The following ACAP2 variants were observed in gnomAD, a reference collection of about 807,000 sequenced individuals.
The protein encoded by ACAP2 is ArfGAP with coiled-coil, ankyrin repeat and PH domains 2.
A neutral mutation model predicts 115.8 loss-of-function variants in ACAP2; 39 were observed. The observed-to-expected ratio is 0.34, with a 90% CI of 0.26 to 0.44. The LOEUF (loss-of-function observed/expected upper bound fraction) is 0.44, where lower values mean the gene tolerates loss of function less well. Among genes scored for constraint, ACAP2 ranks in the 20% least tolerant of loss-of-function variants. The pLI, the probability that ACAP2 is intolerant of heterozygous loss-of-function variation, is 1.00. For synonymous variants in ACAP2, 289 were observed against 315.8 expected, an observed-to-expected ratio of 0.92 and a Z score of 0.90; for missense variants, 662 against 927.6, an observed-to-expected ratio of 0.71 and a Z score of 3.72.
Position 195,278,794 on chromosome 3 carries a change from G to T in ACAP2, c.*534C>A, listed in dbSNP as rs1726298547. The T allele has an allele frequency of 6.6e-6, 1 of 152,312 alleles. No individual in the cohort carries two copies. The allele number at this position is 152,312 out of a possible 1,614,324, so 9.4% of individuals were successfully genotyped here. A position where few individuals can be genotyped will look rare whatever the true frequency, so the allele number is the denominator to read the frequency against. ...ACAAACGGGGAAAACACATTCTCTA[G>T]TTCTAATAAATCATATATTATGTGT... On this transcript the variant is annotated 3_prime_UTR_variant, in exon 23 of 23. Transcript: ENST00000326793.
At position 195,359,593 on chromosome 3, in the gene ACAP2, A is replaced by G. The variant is rs1280792165; in HGVS notation, c.286-14276T>C. On this transcript the variant is annotated intron_variant, in intron 4 of 22. Coordinates refer to ENST00000326793, the MANE Select transcript of ACAP2 (RefSeq NM_012287.6). ...CGCCATTCTCCTGCCTCAGCCTCCC[A>G]AGTAGCTGGGACTACAGGCGCCCGC... Among the ~76,000 whole-genome samples the G allele has an allele frequency of 2.0e-5, 3 of 152,018 alleles. 1 individual carries two copies. The highest frequency in any genetic ancestry group is 1.9e-4 in the East Asian group (1 of 5,184).
chr3:195,325,708 C>T (rs910233247), intron 9 of ACAP2, among the ~76,000 whole-genome samples: 7 of 151,976 alleles, frequency 4.6e-5, no homozygotes, highest in Admixed American at 3.9e-4. Flanking sequence ...TCTACAAATA[C>T]CATGATATCT....
chr3:195,285,768 T>G, intron 22 of ACAP2, 28 bp downstream of exon 22: 1 of 1,550,712 alleles, frequency 6.4e-7, no homozygotes, highest in Middle Eastern at 1.7e-4. Context: ...ATACTGCATT[T>G]CAGTATGGTT....
At chr3:195,378,608 C>T (rs1733737041) in intron 4 of ACAP2, among the ~76,000 whole-genome samples, 1 of 152,126 alleles carries the variant, frequency 6.6e-6, no homozygotes, top group Admixed American at 6.5e-5. Context: ...CGCCTGTAAT[C>T]CCAACACTAT....
chr3:195,396,655 C>T (rs1300978332), intron 1 of ACAP2, among the ~76,000 whole-genome samples: 1 of 151,562 alleles, frequency 6.6e-6, no homozygotes, highest in Non-Finnish European at 1.5e-5. Flanking sequence ...GGCATGGTGG[C>T]GCATGTCTGT....
At position 195,288,686 on chromosome 3, in the gene ACAP2, C is replaced by G. The variant is rs1560202388; in HGVS notation, c.2174+435G>C. 2.0e-5 allele frequency among the ~76,000 whole-genome samples: 3 copies of G among 152,002 alleles called. No individual in the cohort carries two copies. The East Asian group carries it at 5.8e-4, about 29-fold the overall frequency. On this transcript the variant is annotated intron_variant, in intron 21 of 22. Coordinates refer to ENST00000326793, the MANE Select transcript of ACAP2 (RefSeq NM_012287.6). ...CAGCCTGGCCAACATGGTGAAACCC[C>G]ATCTCTACTAAAAATACAAAAATTA...
chr3:195,431,589 G>A (rs2131684), intron 1 of ACAP2, among the ~76,000 whole-genome samples: 7 of 150,266 alleles, frequency 4.7e-5, no homozygotes, highest in Non-Finnish European at 1.0e-4. Context: ...AGGTACATGC[G>A]ACCATGCCCG....
chr3:195,366,173 A>C (rs777962174), intron 4 of ACAP2, among the ~76,000 whole-genome samples: 2 of 152,032 alleles, frequency 1.3e-5, no homozygotes, highest in African/African-American at 2.4e-5. Flanking sequence ...TGTTTCTCCA[A>C]ACCTTTTCTT....
At chr3:195,349,078 AC>A (rs1731371281) in intron 4 of ACAP2, among the ~76,000 whole-genome samples, 1 of 147,770 alleles carries the variant, frequency 6.8e-6, no homozygotes, top group Non-Finnish European at 1.5e-5. Flanking sequence ...CAAAAAAAAA[AC>A]TGCTAAAATT....
At chr3:195,313,411 G>A (rs2109006330) in intron 10 of ACAP2, among the ~76,000 whole-genome samples, 1 of 152,260 alleles carries the variant, frequency 6.6e-6, no homozygotes, top group East Asian at 1.9e-4. Flanking sequence ...GTATAAACCT[G>A]AGATAAATGA....
chr3:195,279,776 TTAAA>T (rs1288029066), intron 22 of ACAP2: 1 of 159,370 alleles, frequency 6.3e-6, no homozygotes, highest in Non-Finnish European at 1.4e-5. Context: ...GAGACCTTCT[TTAAA>T]TAAATATTTC....
Position 195,359,892 on chromosome 3 carries a change from T to C in ACAP2, c.286-14575A>G, listed in dbSNP as rs555221119. Among the ~76,000 whole-genome samples the C allele has an allele frequency of 3.9e-5, 6 of 152,124 alleles. No individual in the cohort carries two copies. In the South Asian group the frequency reaches 1.2e-3, roughly 32 times the overall value. On this transcript the variant is annotated intron_variant, in intron 4 of 22. Coordinates refer to ENST00000326793, the MANE Select transcript of ACAP2 (RefSeq NM_012287.6). ...CTCCAATCTACAAACATATAATAAA[T>C]AAGCAAAAAATAAAAAGCAAGAAAA...
At chr3:195,409,123 A>C (rs895368075) in intron 1 of ACAP2, among the ~76,000 whole-genome samples, 7 of 151,944 alleles carry the variant, frequency 4.6e-5, no homozygotes, top group African/African-American at 1.7e-4. Context: ...AAAAGGAATC[A>C]AATTGAAAAG....
At chr3:195,424,283 ATTTTTTTTTTTTTTTTTT>A (rs1162275706) in intron 1 of ACAP2, among the ~76,000 whole-genome samples, 1,956 of 54,230 alleles carry the variant, frequency 0.036, 119 homozygotes, top group East Asian at 0.18. Flanking sequence ...ATATATATAT[ATTTTTTTTTTTTTTTTTT>A]TTTTTTTTTT....
chr3:195,289,757 G>A (rs576604141), intron 20 of ACAP2, among the ~76,000 whole-genome samples: 1 of 132,746 alleles, frequency 7.5e-6, no homozygotes, highest in East Asian at 2.2e-4. Flanking sequence ...AGTGAGCCGA[G>A]ATCACACCAC....
chr3:195,321,364 G>A (rs1489331202), intron 9 of ACAP2, among the ~76,000 whole-genome samples: 8 of 151,164 alleles, frequency 5.3e-5, no homozygotes, highest in East Asian at 2.0e-4. Flanking sequence ...CTCGAATTAC[G>A]GACATACGCC....
intron 9 of ACAP2, 108 bp downstream of exon 9, chr3:195,326,777 A>C (rs1729824063): frequency 1.1e-6 from 1 of 930,988 alleles, no homozygotes; most frequent in Admixed American, 2.4e-5. Flanking sequence ...CTGCACAATT[A>C]TTAGAACAAC....
intron 8 of ACAP2, among the ~76,000 whole-genome samples, chr3:195,327,694 G>A (rs548868302): frequency 1.5e-4 from 23 of 152,234 alleles, no homozygotes; most frequent in African/African-American, 5.5e-4. Context: ...CACTTTGGGA[G>A]GCCAAGGTGG....
At chr3:195,385,865 G>A (rs183914176) in intron 2 of ACAP2, among the ~76,000 whole-genome samples, 1 of 152,298 alleles carries the variant, frequency 6.6e-6, no homozygotes, top group East Asian at 1.9e-4. Context: ...GGAGAATTCT[G>A]CAGAGTAGCT....
Sources: gnomAD v4.1 joint callset for allele counts (sites outside exome capture counted in the v4.1 genomes callset) on GRCh38, gnomAD v4.1.1 for gene constraint, MANE v1.5 for transcripts, NCBI Gene and HGNC (gene_info 2026-07-23, HGNC 2026-07-21) for gene names.